Variants in CHIC1 observed in about 807,000 individuals in gnomAD.
CHIC1 encodes cysteine-rich hydrophobic domain-containing protein 1.
CHIC1 carries 7 observed loss-of-function variants against 18.5 expected under a neutral mutation model. The observed-to-expected ratio is 0.38, with a 90% confidence interval of 0.22 to 0.71. The LOEUF (loss-of-function observed/expected upper bound fraction) is 0.71, where lower values mean the gene tolerates loss of function less well. Among genes scored for constraint, CHIC1 ranks in the 30% least tolerant of loss-of-function variants. The pLI is 0.49. For missense variants in CHIC1, 159 were observed against 176.9 expected, an observed-to-expected ratio of 0.90 and a Z score of 0.57; for synonymous variants, 77 against 73.5, an observed-to-expected ratio of 1.05 and a Z score of -0.25.
intron 3 of CHIC1, among the ~76,000 whole-genome samples, chrX:73,675,834 C>A (rs2058059260): frequency 9.0e-6 from 1 of 110,817 alleles, no homozygotes; most frequent in South Asian, 3.9e-4. Flanking sequence ...CCTCAATGGT[C>A]TTTACAATTT....
At chrX:73,677,991 GT>G (rs371037548) in intron 3 of CHIC1, among the ~76,000 whole-genome samples, 4,418 of 80,320 alleles carry the variant, frequency 0.055, 101 homozygotes, top group Non-Finnish European at 0.062. Flanking sequence ...TTTGGAGGTT[GT>G]TTTTTTTTTT....
At chrX:73,606,326 A>G (rs1225581005) in intron 3 of CHIC1, among the ~76,000 whole-genome samples, 1 of 102,782 alleles carries the variant, frequency 9.7e-6, no homozygotes, top group East Asian at 3.0e-4. Flanking sequence ...GTGTTTTTCA[A>G]CTCCATCAGC....
intron 3 of CHIC1, among the ~76,000 whole-genome samples, chrX:73,611,058 T>A (rs1249214130): frequency 9.3e-6 from 1 of 107,468 alleles, no homozygotes; most frequent in East Asian, 2.8e-4. Context: ...TTAGGGTACA[T>A]GTGCACAACG....
At position 73,584,495 on chromosome X, in the gene CHIC1, T is replaced by G; in HGVS notation, c.430T>G (p.Trp144Gly). 8.5e-7 allele frequency: 1 copy of G among 1,171,054 alleles called. No individual in the cohort carries two copies. The highest frequency in any genetic ancestry group is 1.1e-6 in the Non-Finnish European group (1 of 873,978). The change falls in exon 3 of 6, where the codon TGG becomes GGG. Residue 144 changes from tryptophan (W) to glycine (G), a missense_variant. Physicochemically the swap from Trp to Gly is radical, Grantham distance 184. Transcript: ENST00000373502. ...AAAGGCTCTCCCGGTCAATGTGAAA[T>G]GGCTGCTGTGTGGTTGTCTCTGCTG... ...LKKALPVNVK[W>G]LLCGCLCCCC...
intron 3 of CHIC1, among the ~76,000 whole-genome samples, 168 bp from the exon 4 acceptor site, chrX:73,679,152 AAATCTT>A (rs2058085592): frequency 8.9e-6 from 1 of 112,052 alleles, no homozygotes; most frequent in African/African-American, 3.2e-5. Flanking sequence ...ATAGTCATCC[AAATCTT>A]ACTCCTTTTT....
At chrX:73,624,839 A>T (rs1338545261) in intron 3 of CHIC1, among the ~76,000 whole-genome samples, 3 of 112,450 alleles carry the variant, frequency 2.7e-5, no homozygotes, top group Admixed American at 9.4e-5. Context: ...ATACAGAAAG[A>T]CACACAAAGC....
rs919710819 is a variant in CHIC1 at position 73,635,092 on chromosome X, G to T, written c.508-44234G>T. Among the ~76,000 whole-genome samples the T allele has an allele frequency of 3.6e-5, 4 of 110,976 alleles. No homozygotes were observed. In the South Asian group the frequency reaches 1.6e-3, roughly 44 times the overall value. On this transcript the variant is annotated intron_variant, in intron 3 of 5. Transcript: ENST00000373502. Reference sequence around the variant, plus strand: ...AACCTCTTGTTCTGCCATCTTGGTGGTGTTACTCTTTAATTTTTCAAATGT... The same window carrying T: ...AACCTCTTGTTCTGCCATCTTGGTGTTGTTACTCTTTAATTTTTCAAATGT...
chrX:73,618,501 C>T (rs1285969846), intron 3 of CHIC1, among the ~76,000 whole-genome samples: 2 of 110,784 alleles, frequency 1.8e-5, no homozygotes, highest in Non-Finnish European at 3.8e-5. Context: ...AGTTATGTTC[C>T]CAGGGGATTA....
At chrX:73,671,511 G>C (rs1250727425) in intron 3 of CHIC1, among the ~76,000 whole-genome samples, 1 of 111,194 alleles carries the variant, frequency 9.0e-6, no homozygotes. Context: ...CAAAAGATTT[G>C]TCTTCAAGTT....
In CHIC1 at chrX:73,684,045, G is replaced by C. The variant is rs1399316664; in HGVS notation, c.*3040G>C. Reference sequence around the variant, plus strand: ...AAGCATAATAAATGAATTGGTAGATGATTAGATTAGAAATCATCCTTTTCA... The same window carrying C: ...AAGCATAATAAATGAATTGGTAGATCATTAGATTAGAAATCATCCTTTTCA... On this transcript the variant is annotated 3_prime_UTR_variant, in exon 6 of 6. Transcript: ENST00000373502. 8.9e-6 allele frequency: 1 copy of C among 111,784 alleles called. No individual in the cohort carries two copies. The allele number at this position is 111,784 out of a possible 1,213,427, so 9.2% of individuals were successfully genotyped here. A position where few individuals can be genotyped will look rare whatever the true frequency, so the allele number is the denominator to read the frequency against.
intron 3 of CHIC1, among the ~76,000 whole-genome samples, chrX:73,673,897 G>A (rs1214491906): frequency 9.0e-6 from 1 of 111,668 alleles, no homozygotes; most frequent in Non-Finnish European, 1.9e-5. Flanking sequence ...GTCATAGATA[G>A]CTCTTACTGT....
chrX:73,662,084 TAAAAA>T (rs1040887028), intron 3 of CHIC1, among the ~76,000 whole-genome samples: 1 of 106,246 alleles, frequency 9.4e-6, no homozygotes, highest in African/African-American at 3.4e-5. Context: ...AAATAAATAA[TAAAAA>T]AAAAGAAGTA....
At chrX:73,566,932 C>T (rs760015224) in intron 1 of CHIC1, among the ~76,000 whole-genome samples, 33 of 112,006 alleles carry the variant, frequency 2.9e-4, no homozygotes, top group Non-Finnish European at 4.3e-4. Flanking sequence ...TTTAGTTGAA[C>T]TGAAAGTTAT....
At chrX:73,679,410 C>A in intron 4 of CHIC1, 28 bp downstream of exon 4, 1 of 968,862 alleles carries the variant, frequency 1.0e-6, no homozygotes, top group East Asian at 3.1e-5. Flanking sequence ...CATAAGTGCC[C>A]CATTCATATA....
At chrX:73,651,021 A>G (rs1322079177) in intron 3 of CHIC1, among the ~76,000 whole-genome samples, 1 of 111,989 alleles carries the variant, frequency 8.9e-6, no homozygotes, top group African/African-American at 3.3e-5. Context: ...TTGGGATGCA[A>G]GGCTGGTTCA....
chrX:73,589,370 T>A (rs1038495324), intron 3 of CHIC1, among the ~76,000 whole-genome samples: 21 of 110,879 alleles, frequency 1.9e-4, no homozygotes, highest in African/African-American at 6.2e-4. Context: ...TTTAATTGAG[T>A]TTTTTACTGT....
intron 2 of CHIC1, among the ~76,000 whole-genome samples, chrX:73,582,368 A>G (rs970237123): frequency 5.4e-5 from 6 of 110,522 alleles, no homozygotes; most frequent in Non-Finnish European, 1.1e-4. Flanking sequence ...TGGTTGCCCA[A>G]TGATTCCCTA....
At chrX:73,675,025 T>G (rs1281623387) in intron 3 of CHIC1, among the ~76,000 whole-genome samples, 1 of 112,088 alleles carries the variant, frequency 8.9e-6, no homozygotes, top group Non-Finnish European at 1.9e-5. Flanking sequence ...GTTGTTCAGT[T>G]TCCATGTAGT....
At chrX:73,660,886 A>G (rs1204191590) in intron 3 of CHIC1, among the ~76,000 whole-genome samples, 1 of 111,943 alleles carries the variant, frequency 8.9e-6, no homozygotes, top group Non-Finnish European at 1.9e-5. Flanking sequence ...ATGTCTTGAG[A>G]GGTTTTAGCA....
Sources: gnomAD v4.1 joint callset for allele counts (sites outside exome capture counted in the v4.1 genomes callset) on GRCh38, gnomAD v4.1.1 for gene constraint, MANE v1.5 for transcripts, NCBI Gene and HGNC (gene_info 2026-07-23, HGNC 2026-07-21) for gene names.